The following OPCML variants were observed in gnomAD, a reference collection of about 807,000 sequenced individuals.
The protein encoded by OPCML is opioid binding protein/cell adhesion molecule like.
In OPCML, 13 loss-of-function variants were observed where a neutral mutation model predicts 37.8. The observed-to-expected ratio is 0.34, with a 90% confidence interval of 0.22 to 0.55. OPCML has a LOEUF of 0.55. Ranked by LOEUF, OPCML falls within the 20% of genes least tolerant of loss-of-function variation. The pLI, the probability that OPCML is intolerant of heterozygous loss-of-function variation, is 0.91. For synonymous variants in OPCML, 176 were observed against 168.8 expected, an observed-to-expected ratio of 1.04 and a Z score of -0.33; for missense variants, 341 against 435.6, an observed-to-expected ratio of 0.78 and a Z score of 1.93.
chr11:132,533,587 T>C (rs1438901351), intron 3 of OPCML, among the ~76,000 whole-genome samples: 2 of 152,216 alleles, frequency 1.3e-5, no homozygotes, highest in Non-Finnish European at 2.9e-5. Flanking sequence ...TAAAACTTCT[T>C]AGCAGGATTT....
intron 1 of OPCML, among the ~76,000 whole-genome samples, chr11:133,015,353 GAGGAAGGA>G (rs1565398629): frequency 7.7e-6 from 1 of 130,244 alleles, no homozygotes; most frequent in Non-Finnish European, 1.6e-5. Flanking sequence ...GGGAGGGAGG[GAGGAAGGA>G]AGGGAGGAAT....
At chr11:133,435,972 A>G (rs1252325226) in intron 1 of OPCML, among the ~76,000 whole-genome samples, 1 of 152,248 alleles carries the variant, frequency 6.6e-6, no homozygotes, top group Non-Finnish European at 1.5e-5. Context: ...ATTTTTAATT[A>G]AGAGCTATAA....
chr11:133,393,550 A>T (rs1359000449), intron 1 of OPCML, among the ~76,000 whole-genome samples: 1 of 152,154 alleles, frequency 6.6e-6, no homozygotes, highest in East Asian at 1.9e-4. Flanking sequence ...GATGTTGACC[A>T]CAGTATCTAC....
chr11:132,520,344 A>T (rs1167754622), intron 4 of OPCML, among the ~76,000 whole-genome samples: 2 of 152,128 alleles, frequency 1.3e-5, no homozygotes, highest in African/African-American at 2.4e-5. Context: ...GCTGTGATTC[A>T]TTTGTCATTA....
At chr11:132,436,478 C>T (rs2096013425) in intron 6 of OPCML, 181 bp downstream of exon 6, 15 of 938,588 alleles carry the variant, frequency 1.6e-5, no homozygotes, top group Non-Finnish European at 1.9e-5. Context: ...TTCATTTTCT[C>T]CACTTCCCAG....
At chr11:132,613,093 A>T (rs1014658714) in intron 3 of OPCML, among the ~76,000 whole-genome samples, 3 of 152,202 alleles carry the variant, frequency 2.0e-5, no homozygotes, top group East Asian at 1.9e-4. Flanking sequence ...TAATCTCTTC[A>T]TCTTGCAGAG....
At chr11:132,589,469 A>G (rs2096480610) in intron 3 of OPCML, among the ~76,000 whole-genome samples, 2 of 152,252 alleles carry the variant, frequency 1.3e-5, no homozygotes, top group Non-Finnish European at 2.9e-5. Context: ...GGAGAATTAA[A>G]CAAACAAGTA....
intron 3 of OPCML, among the ~76,000 whole-genome samples, chr11:132,622,176 A>T (rs1190151843): frequency 6.6e-6 from 1 of 152,180 alleles, no homozygotes; most frequent in Non-Finnish European, 1.5e-5. Context: ...CAAAGAAAAC[A>T]GAAGGTTGAC....
chr11:132,834,050 A>C (rs151334770), intron 2 of OPCML, among the ~76,000 whole-genome samples: 1 of 152,320 alleles, frequency 6.6e-6, no homozygotes, highest in Non-Finnish European at 1.5e-5. Context: ...ATGAGACTTA[A>C]TGAATTGTTA....
chr11:132,441,631 T>C (rs1322644012), intron 4 of OPCML, among the ~76,000 whole-genome samples: 5 of 152,136 alleles, frequency 3.3e-5, no homozygotes, highest in Non-Finnish European at 5.9e-5. Context: ...CATCCCAATA[T>C]AACAAGGTTG....
chr11:132,844,830 C>G (rs1941449673), intron 2 of OPCML, among the ~76,000 whole-genome samples: 1 of 151,680 alleles, frequency 6.6e-6, no homozygotes, highest in Admixed American at 6.6e-5. Context: ...CCTTCTGGGT[C>G]ACTGCACACT....
intron 1 of OPCML, among the ~76,000 whole-genome samples, chr11:133,427,960 A>G (rs1035719722): frequency 2.0e-5 from 3 of 152,302 alleles, no homozygotes; most frequent in Non-Finnish European, 4.4e-5. Context: ...ATTGCTTCCT[A>G]CTTTATTTCA....
intron 2 of OPCML, among the ~76,000 whole-genome samples, chr11:132,756,444 A>G (rs1039455255): frequency 1.3e-5 from 2 of 152,204 alleles, no homozygotes; most frequent in African/African-American, 4.8e-5. Context: ...ATTTCCTTTC[A>G]TAATACATTG....
chr11:132,949,782 G>A (rs924919299), intron 1 of OPCML, among the ~76,000 whole-genome samples: 1 of 152,206 alleles, frequency 6.6e-6, no homozygotes, highest in Admixed American at 6.5e-5. Flanking sequence ...AATGAGATCA[G>A]CTTTATTACA....
chr11:133,042,687 G>A (rs539335064), intron 1 of OPCML, among the ~76,000 whole-genome samples: 8 of 152,230 alleles, frequency 5.3e-5, no homozygotes, highest in South Asian at 2.1e-4. Flanking sequence ...CTGCAGTTAC[G>A]TTCTTCCAGG....
intron 2 of OPCML, among the ~76,000 whole-genome samples, chr11:132,826,626 G>T (rs1940360878): frequency 6.6e-6 from 1 of 152,154 alleles, no homozygotes. Flanking sequence ...CTGCCTCAAG[G>T]TTTTTTAGCT....
At chr11:132,640,722 G>A (rs985022418) in intron 3 of OPCML, among the ~76,000 whole-genome samples, 5 of 152,160 alleles carry the variant, frequency 3.3e-5, no homozygotes, top group Non-Finnish European at 7.3e-5. Flanking sequence ...GTTACGGTGT[G>A]GTGTGATAGA....
chr11:133,063,810 C>T (rs1010575707), intron 1 of OPCML, among the ~76,000 whole-genome samples: 2 of 152,172 alleles, frequency 1.3e-5, no homozygotes, highest in African/African-American at 4.8e-5. Flanking sequence ...GATCCACCCA[C>T]CTTGGCCTCC....
At chr11:133,004,771 G>A (rs762137469) in intron 1 of OPCML, 11 of 985,086 alleles carry the variant, frequency 1.1e-5, no homozygotes, top group Middle Eastern at 5.2e-4. Context: ...GCTCAGAAGC[G>A]AGATCACACT....
Sources: gnomAD v4.1 joint callset for allele counts (sites outside exome capture counted in the v4.1 genomes callset) on GRCh38, gnomAD v4.1.1 for gene constraint, MANE v1.5 for transcripts, NCBI Gene and HGNC (gene_info 2026-07-23, HGNC 2026-07-21) for gene names.